TACC1: variants seen among roughly 807,000 people sequenced by gnomAD.
TACC1 encodes transforming acidic coiled-coil containing protein 1.
In TACC1, 48 loss-of-function variants were observed where a neutral mutation model predicts 84.4. The observed-to-expected ratio is 0.57, with a 90% CI of 0.45 to 0.72. The LOEUF is 0.72. Among genes scored for constraint, TACC1 ranks in the 30% least tolerant of loss-of-function variants. The pLI is 0.00. For missense variants in TACC1, 920 were observed against 973.0 expected, an observed-to-expected ratio of 0.95 and a Z score of 0.72; for synonymous variants, 372 against 376.3, an observed-to-expected ratio of 0.99 and a Z score of 0.13.
At chr8:38,821,454 G>T (rs1188577408) in intron 3 of TACC1, among the ~76,000 whole-genome samples, 1 of 152,174 alleles carries the variant, frequency 6.6e-6, no homozygotes, top group Non-Finnish European at 1.5e-5. Context: ...TGTGATTTTT[G>T]TGGGAAACAA....
chr8:38,740,864 G>C (rs1806924206), intron 1 of TACC1, among the ~76,000 whole-genome samples: 1 of 152,204 alleles, frequency 6.6e-6, no homozygotes. Flanking sequence ...GCATGGCTCT[G>C]ATGTTGTGCT....
At chr8:38,742,391 T>C (rs931558733) in exon 2 of TACC1, 1 of 1,511,414 alleles carries the variant, frequency 6.6e-7, no homozygotes, top group African/African-American at 1.4e-5. Flanking sequence ...CTGGTCTTGA[T>C]TGCTGGCATG....
chr8:38,736,773 T>G (rs2151640998), intron 1 of TACC1, among the ~76,000 whole-genome samples: 1 of 152,340 alleles, frequency 6.6e-6, no homozygotes, highest in South Asian at 2.1e-4. Flanking sequence ...GATACCTTCA[T>G]GCTTGACAAA....
At chr8:38,744,207 A>G (rs1807618998) in intron 2 of TACC1, 1 of 152,216 alleles carries the variant, frequency 6.6e-6, no homozygotes, top group Admixed American at 6.5e-5. Flanking sequence ...AGACCAATAA[A>G]GGGCTCACCT....
intron 6 of TACC1, among the ~76,000 whole-genome samples, chr8:38,835,016 G>T (rs977126621): frequency 5.3e-5 from 8 of 152,164 alleles, no homozygotes; most frequent in African/African-American, 1.9e-4. Context: ...CACTTTGGGA[G>T]GCCGAGGCAG....
chr8:38,835,071 G>A (rs1829959426), intron 6 of TACC1, among the ~76,000 whole-genome samples: 2 of 152,096 alleles, frequency 1.3e-5, no homozygotes, highest in Admixed American at 6.6e-5. Context: ...GGCTAACACG[G>A]TGAAACCCCG....
chr8:38,843,216 T>C, intron 10 of TACC1, 73 bp from the exon 11 acceptor site: 1 of 1,040,298 alleles, frequency 9.6e-7, no homozygotes, highest in Admixed American at 2.7e-5. Flanking sequence ...CTTTAAAAAA[T>C]GAAAACTCTG....
chr8:38,834,886 T>C (rs1412003532), intron 6 of TACC1, among the ~76,000 whole-genome samples: 1 of 152,206 alleles, frequency 6.6e-6, no homozygotes, highest in Non-Finnish European at 1.5e-5. Context: ...ATCCCACATT[T>C]AAGATTAAGA....
At chr8:38,738,228 C>A (rs1347397788) in intron 1 of TACC1, among the ~76,000 whole-genome samples, 1 of 151,724 alleles carries the variant, frequency 6.6e-6, no homozygotes, top group Non-Finnish European at 1.5e-5. Flanking sequence ...TAGTGAGACA[C>A]CCCCATCTCT....
chr8:38,826,049 T>C (rs1441841405), intron 4 of TACC1, among the ~76,000 whole-genome samples: 2 of 152,204 alleles, frequency 1.3e-5, no homozygotes, highest in African/African-American at 4.8e-5. Flanking sequence ...GCCCATCTGA[T>C]TGCAATGAGA....
rs113235448 is a variant in TACC1 at position 38,842,366 on chromosome 8, C to T, written c.2040C>T (p.Asp680=). Residue 680 remains aspartate (D), a synonymous_variant, in exon 10 of 13, where the codon GAC becomes GAT. Coordinates refer to ENST00000317827, the MANE Select transcript of TACC1 (RefSeq NM_006283.3). ...TGGAGAAGGAACAGGCCCTGGCTGA[C>T]CTTAACTCTGTGGAAAGGTCCCTTT... is the stretch of plus-strand genomic sequence containing the variant. The part of the protein sequence containing the change: ...LTMEKEQALA[D]LNSVERSLSD... 81 of 1,614,180 alleles carry T rather than the reference C, an allele frequency of 5.0e-5. No homozygotes were observed. In the African/African-American group the frequency reaches 8.9e-4, roughly 18 times the overall value.
At chr8:38,782,501 A>G (rs868335186), upstream of TACC1, among the ~76,000 whole-genome samples, 8 of 152,342 alleles carry the variant, frequency 5.3e-5, no homozygotes, top group Middle Eastern at 3.4e-3. Context: ...GTGTCTTTAT[A>G]GCAGCATGAT....
chr8:38,739,371 A>G (rs1055217809), intron 1 of TACC1, among the ~76,000 whole-genome samples: 3 of 152,226 alleles, frequency 2.0e-5, no homozygotes, highest in African/African-American at 7.2e-5. Context: ...TTCAACTGCA[A>G]TGTACACATA....
intron 2 of TACC1, among the ~76,000 whole-genome samples, chr8:38,797,847 A>C (rs1820349031): frequency 6.6e-6 from 1 of 152,030 alleles, no homozygotes; most frequent in Admixed American, 6.6e-5. Flanking sequence ...TAGGTTGGGG[A>C]TGGGGGAGAA....
chr8:38,801,274 A>G (rs764080718), intron 2 of TACC1, among the ~76,000 whole-genome samples: 11 of 152,146 alleles, frequency 7.2e-5, no homozygotes, highest in Non-Finnish European at 1.5e-4. Context: ...CCTTGATGTC[A>G]TGTATAAGAA....
At chr8:38,778,487 C>T (rs1815291801) in intron 3 of TACC1, among the ~76,000 whole-genome samples, 1 of 152,282 alleles carries the variant, frequency 6.6e-6, no homozygotes, top group East Asian at 1.9e-4. Flanking sequence ...GAGTTGAGGC[C>T]AGCTGAACCA....
chr8:38,731,281 A>G (rs1804876171), intron 1 of TACC1, among the ~76,000 whole-genome samples: 1 of 152,198 alleles, frequency 6.6e-6, no homozygotes, highest in East Asian at 1.9e-4. Context: ...CTCTGTAGCC[A>G]GAGTGCCTGG....
intron 6 of TACC1, among the ~76,000 whole-genome samples, chr8:38,835,086 T>C (rs1563909050): frequency 1.3e-5 from 2 of 152,038 alleles, no homozygotes; most frequent in Non-Finnish European, 2.9e-5. Flanking sequence ...ACCCCGTCTC[T>C]ACTAAAAATA....
chr8:38,829,475 C>T (rs1478999517), intron 5 of TACC1, among the ~76,000 whole-genome samples: 1 of 152,140 alleles, frequency 6.6e-6, no homozygotes, highest in Non-Finnish European at 1.5e-5. Flanking sequence ...TCTTCCTTTG[C>T]TGCCTCTTAC....
Sources: allele counts gnomAD v4.1 joint callset (sites outside exome capture counted in the v4.1 genomes callset), GRCh38; gene constraint gnomAD v4.1.1; transcripts MANE v1.5; gene names NCBI Gene and HGNC (gene_info 2026-07-23, HGNC 2026-07-21).